The following BAG4 variants were observed in gnomAD, a reference collection of about 807,000 sequenced individuals.
The protein encoded by BAG4 is BAG cochaperone 4.
Under a neutral mutation model 52.1 loss-of-function variants are expected in BAG4, and 28 were observed. That is an observed-to-expected ratio of 0.54 (90% CI 0.40 to 0.74). The LOEUF is 0.74. Ranked by LOEUF, BAG4 falls within the 30% of genes least tolerant of loss-of-function variation. The probability of loss-of-function intolerance (pLI) is 0.00; values close to 1 mark genes in which losing one functional copy is unlikely to be tolerated. For synonymous variants in BAG4, 208 were observed against 217.0 expected, an observed-to-expected ratio of 0.96 and a Z score of 0.37; for missense variants, 525 against 572.0, an observed-to-expected ratio of 0.92 and a Z score of 0.84.
Position 38,199,901 on chromosome 8 carries a change from T to A in BAG4, c.378+7106T>A, listed in dbSNP as rs538523807. ...ATTCATTTTGAGTTAATTTTTGCAA[T>A]ATGGTGCAAAGTAAGGCCCAAGTTC... On this transcript the variant is annotated intron_variant, in intron 2 of 4. Transcript: ENST00000287322. 7.9e-5 allele frequency among the ~76,000 whole-genome samples: 12 copies of A among 152,194 alleles called. No individual in the cohort carries two copies. In the East Asian group the frequency reaches 2.3e-3, roughly 29 times the overall value.
Position 38,176,943 on chromosome 8 carries a change from G to A in BAG4, c.74G>A (p.Gly25Asp), listed in dbSNP as rs781640921. 3.7e-5 allele frequency: 57 copies of A among 1,555,820 alleles called. No individual in the cohort carries two copies. The highest frequency in any genetic ancestry group is 1.9e-4 in the Middle Eastern group (1 of 5,370). The change falls in exon 1 of 5, where the codon GGT becomes GAT. Residue 25 changes from glycine to aspartate, a missense_variant. Around this residue, in one of 2 missense-constraint regions of BAG4, gnomAD observed 287 missense variants for 266.1 expected, o/e 1.08. Transcript: ENST00000287322. Reference sequence around the variant, plus strand: ...TACGGCCGCTACTACGGGCCTGGGGGTGGAGATGTGCCGGTACACCCACCT... The same window carrying A: ...TACGGCCGCTACTACGGGCCTGGGGATGGAGATGTGCCGGTACACCCACCT... ...PSYGRYYGPG[G>D]GDVPVHPPPP...
At position 38,211,493 on chromosome 8, in the gene BAG4, A is replaced by G. The variant is rs1054563599; in HGVS notation, c.*1000A>G. The G allele has an allele frequency of 1.3e-5, 2 of 151,950 alleles. No individual in the cohort carries two copies. The highest frequency in any genetic ancestry group is 4.8e-5 in the African/African-American group (2 of 41,430). The allele number at this position is 151,950 out of a possible 1,614,324, so 9.4% of individuals were successfully genotyped here. A position where few individuals can be genotyped will look rare whatever the true frequency, so the allele number is the denominator to read the frequency against. Reference sequence around the variant, plus strand: ...CACAGTGAGTAGAAATAATTACTACAAAAAGTAATAAATATGATTACTTGG... The same window carrying G: ...CACAGTGAGTAGAAATAATTACTACGAAAAGTAATAAATATGATTACTTGG... On this transcript the variant is annotated 3_prime_UTR_variant, in exon 5 of 5. Coordinates refer to ENST00000287322, the MANE Select transcript of BAG4 (RefSeq NM_004874.4).
intron 1 of BAG4, among the ~76,000 whole-genome samples, chr8:38,190,066 T>G (rs1224165338): frequency 6.6e-6 from 1 of 152,168 alleles, no homozygotes; most frequent in Non-Finnish European, 1.5e-5. Flanking sequence ...ATTACAGGTG[T>G]GAGCCGCTGC....
intron 1 of BAG4, among the ~76,000 whole-genome samples, chr8:38,192,322 T>C (rs1157421701): frequency 6.6e-6 from 1 of 152,220 alleles, no homozygotes; most frequent in Non-Finnish European, 1.5e-5. Flanking sequence ...TGTGGTGGCA[T>C]TGTCGAAACA....
chr8:38,193,176 T>G (rs1367336128), intron 2 of BAG4, among the ~76,000 whole-genome samples: 1 of 152,264 alleles, frequency 6.6e-6, no homozygotes, highest in East Asian at 1.9e-4. Context: ...CCCAGCACTT[T>G]GGGAGACCAA....
At chr8:38,182,712 T>C (rs1803291255) in intron 1 of BAG4, among the ~76,000 whole-genome samples, 1 of 152,186 alleles carries the variant, frequency 6.6e-6, no homozygotes, top group Admixed American at 6.5e-5. Context: ...CCAAATGCTA[T>C]TTCATAGAAT....
At chr8:38,185,313 T>C (rs1377687303) in intron 1 of BAG4, among the ~76,000 whole-genome samples, 1 of 152,168 alleles carries the variant, frequency 6.6e-6, no homozygotes, top group African/African-American at 2.4e-5. Context: ...TTTAACATTA[T>C]AGGAATTTTA....
intron 2 of BAG4, 83 bp from the exon 3 acceptor site, chr8:38,207,429 G>C: frequency 2.1e-6 from 3 of 1,455,252 alleles, no homozygotes; most frequent in Non-Finnish European, 2.8e-6. Context: ...TCTTCTCAAA[G>C]TTTTCAAGTT....
intron 2 of BAG4, chr8:38,201,863 TATATATATATATATATA>T (rs1307467481): frequency 0.015 from 127 of 8,618 alleles, 2 homozygotes; most frequent in Non-Finnish European, 0.025. Context: ...TATATATATA[TATATATATATATATATA>T]TTTTTTTTTT....
intron 1 of BAG4, among the ~76,000 whole-genome samples, chr8:38,182,455 T>G (rs1304193930): frequency 3.3e-5 from 5 of 152,204 alleles, no homozygotes; most frequent in Non-Finnish European, 5.9e-5. Context: ...GACTCCAGTC[T>G]TCAGCTGGGA....
At chr8:38,194,287 A>C (rs1311341659) in intron 2 of BAG4, among the ~76,000 whole-genome samples, 4 of 151,758 alleles carry the variant, frequency 2.6e-5, no homozygotes, top group Non-Finnish European at 5.9e-5. Context: ...GTGTGATTTC[A>C]TACTAACAAA....
At chr8:38,181,284 G>T (rs1803265735) in intron 1 of BAG4, among the ~76,000 whole-genome samples, 1 of 146,892 alleles carries the variant, frequency 6.8e-6, no homozygotes, top group Non-Finnish European at 1.5e-5. Context: ...GCCCAGGCTG[G>T]AGCGCAATGG....
chr8:38,189,877 G>C (rs1413305718), intron 1 of BAG4, among the ~76,000 whole-genome samples: 5 of 152,098 alleles, frequency 3.3e-5, no homozygotes, highest in Non-Finnish European at 7.4e-5. Flanking sequence ...GAGTGCAGTG[G>C]CGTGATCTAG....
intron 2 of BAG4, chr8:38,202,784 C>G (rs1410009165): frequency 6.6e-6 from 1 of 152,214 alleles, no homozygotes; most frequent in Non-Finnish European, 1.5e-5. Flanking sequence ...TCAAGCGATC[C>G]ACCTGCCTTG....
At chr8:38,209,588 A>G in intron 4 of BAG4, 1 of 387,686 alleles carries the variant, frequency 2.6e-6, no homozygotes, top group East Asian at 5.1e-5. Flanking sequence ...GACAAAACCA[A>G]TGTGAAATAT....
rs537081631 is a variant in BAG4 at position 38,207,599 on chromosome 8, T to C, written c.466T>C (p.Tyr156His). 60 of 1,614,028 alleles carry C rather than the reference T, an allele frequency of 3.7e-5. No homozygotes were observed. Among genetic ancestry groups the C allele is most frequent in the Non-Finnish European group, 4.9e-5 (58 of 1,180,008 alleles). Residue 156 changes from tyrosine (Y) to histidine (H), a missense_variant, in exon 3 of 5, where the codon TAT (tyrosine) becomes CAT (histidine). Physicochemically the swap from Tyr to His is moderately conservative, Grantham distance 83 (BLOSUM62 2). Coordinates refer to ENST00000287322, the MANE Select transcript of BAG4 (RefSeq NM_004874.4). ...TACTGCCTCATACTCAGGGGCTTAT[T>C]ATGCACCTGGTTATACTCAGACCAG... ...ANTASYSGAY[Y>H]APGYTQTSYS... is the part of the protein sequence containing the mutation.
intron 1 of BAG4, among the ~76,000 whole-genome samples, chr8:38,186,603 A>G (rs1803369673): frequency 6.6e-6 from 1 of 152,198 alleles, no homozygotes; most frequent in Non-Finnish European, 1.5e-5. Flanking sequence ...AGAAGCTAGG[A>G]GGAGCCCTTT....
intron 1 of BAG4, among the ~76,000 whole-genome samples, chr8:38,190,958 G>A (rs539523090): frequency 1.3e-4 from 20 of 151,508 alleles, no homozygotes; most frequent in Middle Eastern, 3.4e-3. Context: ...GGGTTTCACC[G>A]TGTTGGCCAG....
intron 1 of BAG4, among the ~76,000 whole-genome samples, chr8:38,191,789 A>C (rs886375810): frequency 6.6e-6 from 1 of 151,572 alleles, no homozygotes; most frequent in Non-Finnish European, 1.5e-5. Flanking sequence ...AAAACCCTAA[A>C]TCTATACAGT....
Sources: allele counts gnomAD v4.1 joint callset (sites outside exome capture counted in the v4.1 genomes callset), GRCh38; gene constraint gnomAD v4.1.1; regional missense constraint gnomAD v4.1.1; transcripts MANE v1.5; gene names NCBI Gene and HGNC (gene_info 2026-07-23, HGNC 2026-07-21).